The following PXMP2 variants were observed in gnomAD, a reference collection of about 807,000 sequenced individuals.
The protein encoded by PXMP2 is peroxisomal membrane protein 2, also known as 22 kDa peroxisomal membrane protein.
A neutral mutation model predicts 20.2 loss-of-function variants in PXMP2; 13 were observed. The ratio of observed to expected loss-of-function variants is 0.64; its 90% CI spans 0.42 to 1.02. The LOEUF (loss-of-function observed/expected upper bound fraction) is 1.02, where lower values mean the gene tolerates loss of function less well. Among genes scored for constraint, PXMP2 ranks in the 50% least tolerant of loss-of-function variants. The probability of loss-of-function intolerance (pLI) is 0.00; values close to 1 mark genes in which losing one functional copy is unlikely to be tolerated. For missense variants in PXMP2, 284 were observed against 251.8 expected (o/e 1.13, Z -0.87); for synonymous variants, 113 against 111.2 (o/e 1.02, Z -0.10).
At chr12:132,702,859 A>AC (rs906538327) in intron 4 of PXMP2, among the ~76,000 whole-genome samples, 1 of 152,030 alleles carries the variant, frequency 6.6e-6, no homozygotes, top group African/African-American at 2.4e-5. Flanking sequence ...GACCAGGGTG[A>AC]CCCCCGAGGG....
At chr12:132,690,653 C>T (rs1297845338) in intron 2 of PXMP2, among the ~76,000 whole-genome samples, 2 of 152,026 alleles carry the variant, frequency 1.3e-5, no homozygotes, top group Middle Eastern at 3.2e-3. Context: ...TCAAGTGATT[C>T]TCCTGCCTCA....
intron 1 of PXMP2, among the ~76,000 whole-genome samples, chr12:132,688,725 C>G (rs74779622): frequency 9.3e-4 from 1 of 1,070 alleles, no homozygotes; most frequent in African/African-American, 4.9e-3. Flanking sequence ...AAGACAGGGC[C>G]AGGGGAGCGG....
intron 3 of PXMP2, among the ~76,000 whole-genome samples, chr12:132,697,872 C>T (rs949738926): frequency 2.6e-5 from 4 of 152,202 alleles, no homozygotes; most frequent in Non-Finnish European, 4.4e-5. Flanking sequence ...CAGAATCCAA[C>T]GCATGGGAGG....
intron 1 of PXMP2, among the ~76,000 whole-genome samples, chr12:132,688,945 T>G (rs1472795226): frequency 2.3e-3 from 23 of 9,806 alleles, no homozygotes; most frequent in Non-Finnish European, 2.8e-3. Context: ...TCATGGAGCG[T>G]GTGGAGACAG....
At position 132,704,608 on chromosome 12, in the gene PXMP2, CT is replaced by C; in HGVS notation, c.520-7del. 7.0e-7 allele frequency: 1 copy of C among 1,436,212 alleles called. No individual in the cohort carries two copies. The highest frequency in any genetic ancestry group is 9.2e-7 in the Non-Finnish European group (1 of 1,088,600). The allele number at this position is 1,436,212 out of a possible 1,614,324, so 89.0% of individuals were successfully genotyped here. On this transcript the variant is annotated splice_polypyrimidine_tract_variant and intron_variant, in intron 4 of 4. Transcript: ENST00000317479. ...GCTGACCGTGGCCTGTTGGACTGTT[CT>C]TTTCGGCAGTTCCGGGTGCTCTTCG...
At chr12:132,688,025 GC>G in intron 1 of PXMP2, 1 of 269,090 alleles carries the variant, frequency 3.7e-6, no homozygotes, top group Non-Finnish European at 6.1e-6. Context: ...TGGAGGGCCC[GC>G]CCAGACCCGG....
chr12:132,695,022 G>A (rs1428728808), intron 2 of PXMP2, among the ~76,000 whole-genome samples: 1 of 146,194 alleles, frequency 6.8e-6, no homozygotes, highest in Non-Finnish European at 1.5e-5. Flanking sequence ...TAGCCAGTTA[G>A]TTAGTGAGCT....
chr12:132,701,385 C>T lies in PXMP2; in HGVS notation c.519+16C>T. The stretch of plus-strand genomic sequence containing the variant: ...CCCTCTGAAGGTGAGGGCCACGGGG[C>T]TCAGCCTCTGCTAACATTACTTTGT... On this transcript the variant is annotated intron_variant, in intron 4 of 4. Coordinates refer to ENST00000317479, the MANE Select transcript of PXMP2 (RefSeq NM_018663.3). The T allele has an allele frequency of 6.2e-7, 1 of 1,611,618 alleles. No homozygotes were observed. The highest frequency in any genetic ancestry group is 8.5e-7 in the Non-Finnish European group (1 of 1,179,646).
chr12:132,692,928 C>CCAGT (rs2043380499), intron 2 of PXMP2, among the ~76,000 whole-genome samples: 1 of 73,646 alleles, frequency 1.4e-5, no homozygotes. Context: ...AGCGCCCTTG[C>CCAGT]CAGTTAGTGA....
chr12:132,695,887 CT>C lies in PXMP2; in HGVS notation c.242del (p.Phe81SerfsTer6), dbSNP rs756757768. The stretch of plus-strand genomic sequence containing the variant: ...TCACACCCCCTGGGGGCCTCAGGTT[CT>C]TCTTCACAGGGCCGCTGAGTCACTT... ...GPLRYAVYGFFFTGPLSHFFY... is the reference protein window; with the variant it reads ...GPLRYAVYGFXFTGPLSHFFY... On this transcript the variant is annotated frameshift_variant, in exon 3 of 5. Transcript: ENST00000317479. LOFTEE classifies it high-confidence loss of function. 3 of 1,605,056 alleles carry C rather than the reference CT, an allele frequency of 1.9e-6. No individual in the cohort carries two copies. In the South Asian group the frequency reaches 3.4e-5, roughly 18 times the overall value.
At chr12:132,701,007 T>C (rs574739432) in intron 3 of PXMP2, among the ~76,000 whole-genome samples, 2 of 152,188 alleles carry the variant, frequency 1.3e-5, no homozygotes, top group Non-Finnish European at 2.9e-5. Context: ...CAAGGAGTTT[T>C]GGGCCAGGAC....
chr12:132,701,167 C>T, intron 3 of PXMP2, 83 bp from the exon 4 acceptor site: 1 of 1,566,940 alleles, frequency 6.4e-7, no homozygotes, highest in Non-Finnish European at 8.7e-7. Flanking sequence ...AGTTTAAAAA[C>T]CATCACGATA....
intron 2 of PXMP2, among the ~76,000 whole-genome samples, chr12:132,694,552 C>A (rs2043397014): frequency 1.0e-5 from 1 of 96,682 alleles, no homozygotes; most frequent in Non-Finnish European, 2.2e-5. Flanking sequence ...AGCGCCCTTG[C>A]CAGTTAGTTA....
intron 3 of PXMP2, among the ~76,000 whole-genome samples, chr12:132,699,456 T>G (rs759808140): frequency 6.6e-6 from 1 of 151,828 alleles, no homozygotes; most frequent in Non-Finnish European, 1.5e-5. Context: ...AGTGTTTGAC[T>G]TTCCATTGGT....
At position 132,704,637 on chromosome 12, in the gene PXMP2, A is replaced by G. The variant is rs1319134826; in HGVS notation, c.538A>G (p.Asn180Asp). 1.4e-6 allele frequency: 2 copies of G among 1,468,170 alleles called. No homozygotes were observed. The highest frequency in any genetic ancestry group is 1.4e-5 in the South Asian group (1 of 69,426). 90.9% of individuals were successfully genotyped at this position (1,468,170 alleles called of 1,614,324 possible). A position where few individuals can be genotyped will look rare whatever the true frequency, so the allele number is the denominator to read the frequency against. ...VPLKFRVLFA[N>D]LAALFWYAYL... The stretch of plus-strand genomic sequence containing the variant: ...TCGGCAGTTCCGGGTGCTCTTCGCC[A>G]ACCTGGCAGCTCTGTTCTGGTATGC... Residue 180 changes from asparagine to aspartate, a missense_variant, in exon 5 of 5, where the codon AAC becomes GAC. Asn to Asp is a conservative substitution (Grantham distance 23). Transcript: ENST00000317479.
chr12:132,700,659 G>A (rs1440976786), intron 3 of PXMP2, among the ~76,000 whole-genome samples: 1 of 152,056 alleles, frequency 6.6e-6, no homozygotes, highest in Non-Finnish European at 1.5e-5. Context: ...CTGTGCAGAA[G>A]CTTTTTTGTT....
chr12:132,702,119 A>G (rs2043446287), intron 4 of PXMP2, among the ~76,000 whole-genome samples: 2 of 152,334 alleles, frequency 1.3e-5, no homozygotes, highest in Non-Finnish European at 2.9e-5. Context: ...AAAAAGAAAC[A>G]AAGCATTCGT....
At chr12:132,703,730 G>A (rs777707969) in intron 4 of PXMP2, among the ~76,000 whole-genome samples, 2 of 152,222 alleles carry the variant, frequency 1.3e-5, no homozygotes, top group African/African-American at 2.4e-5. Context: ...GGGCAGAGGG[G>A]GCTGGGGCTT....
At chr12:132,703,687 G>A (rs752873627) in intron 4 of PXMP2, among the ~76,000 whole-genome samples, 59 of 152,162 alleles carry the variant, frequency 3.9e-4, no homozygotes, top group Admixed American at 6.5e-4. Context: ...TGGAGGATGG[G>A]AGAGCATGCT....
Sources: allele counts gnomAD v4.1 joint callset (sites outside exome capture counted in the v4.1 genomes callset), GRCh38; gene constraint gnomAD v4.1.1; transcripts MANE v1.5; gene names NCBI Gene and HGNC (gene_info 2026-07-23, HGNC 2026-07-21).